Variants in PRKN observed in about 807,000 individuals in gnomAD.
The protein encoded by PRKN is E3 ubiquitin-protein ligase parkin.
Under a neutral mutation model 59.5 loss-of-function variants are expected in PRKN, and 56 were observed. The observed-to-expected ratio is 0.94, with a 90% CI of 0.76 to 1.18. The LOEUF is 1.18. Ranked by LOEUF, PRKN falls within the 50% of genes most tolerant of loss-of-function variation. The pLI is 0.00. For missense variants in PRKN, 657 were observed against 596.4 expected (o/e 1.10, Z -1.06); for synonymous variants, 250 against 222.1 (o/e 1.13, Z -1.12).
intron 1 of PRKN, among the ~76,000 whole-genome samples, chr6:162,448,664 T>A (rs1375846945): frequency 1.3e-5 from 2 of 152,254 alleles, no homozygotes; most frequent in East Asian, 3.9e-4. Context: ...CCTGCAGATT[T>A]TGGAGCATCC....
chr6:162,169,698 C>T (rs953926975), intron 4 of PRKN, among the ~76,000 whole-genome samples: 2 of 152,222 alleles, frequency 1.3e-5, no homozygotes, highest in South Asian at 2.1e-4. Flanking sequence ...AGCCTTAAGG[C>T]ATGTGCCACT....
intron 2 of PRKN, among the ~76,000 whole-genome samples, chr6:162,418,661 T>C (rs1282607779): frequency 6.9e-6 from 1 of 145,658 alleles, no homozygotes; most frequent in Non-Finnish European, 1.5e-5. Flanking sequence ...TGCGTGTGTG[T>C]TGAGGGGGGG....
intron 6 of PRKN, 142 bp from the exon 7 acceptor site, chr6:161,786,050 A>G: frequency 1.3e-6 from 1 of 782,000 alleles, no homozygotes; most frequent in Admixed American, 2.0e-5. Context: ...CATTAAGCTC[A>G]TGTATACCAA....
intron 7 of PRKN, among the ~76,000 whole-genome samples, chr6:161,751,097 G>A: frequency 6.6e-6 from 1 of 152,080 alleles, no homozygotes. Flanking sequence ...CATACTGGTA[G>A]AATGAGTAAA....
intron 1 of PRKN, among the ~76,000 whole-genome samples, chr6:162,467,827 C>T (rs1017705103): frequency 1.3e-5 from 2 of 151,818 alleles, no homozygotes; most frequent in African/African-American, 2.4e-5. Context: ...CGCTACGCCG[C>T]CCACCGAGCT....
At chr6:162,623,935 A>C (rs1782777123) in intron 1 of PRKN, among the ~76,000 whole-genome samples, 1 of 152,118 alleles carries the variant, frequency 6.6e-6, no homozygotes, top group Non-Finnish European at 1.5e-5. Flanking sequence ...GATACCACAA[A>C]GACACCGTTT....
rs556157012 is a variant in PRKN at position 161,373,816 on chromosome 6, T to A, written c.1167+12978A>T. On this transcript the variant is annotated intron_variant, in intron 10 of 11. Transcript: ENST00000366898. The surrounding 1 kb of genome is among the most constrained non-coding windows in gnomAD (Gnocchi z 4.8). Reference sequence around the variant, plus strand: ...TCCCCCCTGCCAGCCCCGTTTTTAATGAAGGAATTATGGGGGCCAGGATCC... The same window carrying A: ...TCCCCCCTGCCAGCCCCGTTTTTAAAGAAGGAATTATGGGGGCCAGGATCC... Among the ~76,000 whole-genome samples the A allele has an allele frequency of 6.6e-6, 1 of 152,224 alleles. No homozygotes were observed. Among genetic ancestry groups the A allele is most frequent in the East Asian group, 1.9e-4 (1 of 5,152 alleles).
intron 4 of PRKN, among the ~76,000 whole-genome samples, chr6:162,149,112 G>A (rs968179104): frequency 6.6e-6 from 1 of 152,174 alleles, no homozygotes; most frequent in African/African-American, 2.4e-5. Context: ...CCATCTCCCA[G>A]TAGGACAATT....
At chr6:161,824,669 G>A (rs991558212) in intron 6 of PRKN, among the ~76,000 whole-genome samples, 2 of 152,136 alleles carry the variant, frequency 1.3e-5, no homozygotes, top group African/African-American at 2.4e-5. Flanking sequence ...ATATTCCAGT[G>A]ACTAAATTGC....
At position 161,742,820 on chromosome 6, in the gene PRKN, A is replaced by G. The variant is rs528627604; in HGVS notation, c.871+42952T>C. ...TGACAGAGGAGGAGGCAAAACCTGG[A>G]CCACACAGCTGGTGAATGCCCACAG... On this transcript the variant is annotated intron_variant, in intron 7 of 11. Transcript: ENST00000366898. Among the ~76,000 whole-genome samples the G allele has an allele frequency of 6.6e-5, 10 of 152,296 alleles. 1 individual carries two copies. The South Asian group carries it at 2.1e-3, about 32-fold the overall frequency.
chr6:161,568,945 T>A (rs1780758025), intron 8 of PRKN, among the ~76,000 whole-genome samples: 1 of 145,036 alleles, frequency 6.9e-6, no homozygotes, highest in African/African-American at 2.6e-5. Flanking sequence ...GAAATACAGA[T>A]AACAAACACC....
rs1781744966 is a variant in PRKN at position 161,592,054 on chromosome 6, A to G, written c.872-22638T>C. Among the ~76,000 whole-genome samples, 1 of 152,176 alleles carries G rather than the reference A, an allele frequency of 6.6e-6. No individual in the cohort carries two copies. Among genetic ancestry groups the G allele is most frequent in the African/African-American group, 2.4e-5 (1 of 41,432 alleles). ...CTATGCACATCCTCCCATATACTTA[A>G]AATCATCCCTAGATTATGTATATCT... is the stretch of plus-strand genomic sequence containing the variant. On this transcript the variant is annotated intron_variant, in intron 7 of 11. Coordinates refer to ENST00000366898, the MANE Select transcript of PRKN (RefSeq NM_004562.3). The surrounding 1 kb of genome is among the most constrained non-coding windows in gnomAD (Gnocchi z 4.8).
chr6:162,151,114 T>G (rs921716661), intron 4 of PRKN, among the ~76,000 whole-genome samples: 1 of 152,190 alleles, frequency 6.6e-6, no homozygotes, highest in Non-Finnish European at 1.5e-5. Flanking sequence ...TCCACAATAC[T>G]GAAGAATGTA....
rs200652805 is a variant in PRKN at position 162,542,780 on chromosome 6, TCACCTCCACCTC to T, written c.8-99319_8-99308del. Among the ~76,000 whole-genome samples the T allele has an allele frequency of 3.2e-4, 48 of 152,114 alleles. No homozygotes were observed. In the East Asian group the frequency reaches 9.1e-3, roughly 29 times the overall value. ...CTGACTTGGAAGCAAACACTGACCATCACCTCCACCTCCACCTCCACCCGGGGCACAGAGCAC... is the reference window on the plus strand; with the variant it reads ...CTGACTTGGAAGCAAACACTGACCATCACCTCCACCCGGGGCACAGAGCAC... On this transcript the variant is annotated intron_variant, in intron 1 of 11. Transcript: ENST00000366898.
intron 9 of PRKN, among the ~76,000 whole-genome samples, chr6:161,493,482 C>T (rs918633068): frequency 2.6e-5 from 4 of 152,202 alleles, no homozygotes; most frequent in Non-Finnish European, 5.9e-5. Flanking sequence ...TCACACTCTA[C>T]TGCCTCTGCT....
intron 1 of PRKN, among the ~76,000 whole-genome samples, chr6:162,721,566 C>T (rs1392987817): frequency 2.0e-5 from 3 of 152,164 alleles, no homozygotes; most frequent in African/African-American, 4.8e-5. Context: ...ACCTAGTTAA[C>T]TCCTACTTGT....
intron 7 of PRKN, among the ~76,000 whole-genome samples, chr6:161,641,491 A>G (rs944888495): frequency 6.6e-6 from 1 of 152,108 alleles, no homozygotes; most frequent in South Asian, 2.1e-4. Flanking sequence ...TCAGCTCCCC[A>G]CTTTTCAACT....
intron 4 of PRKN, among the ~76,000 whole-genome samples, chr6:162,083,437 G>A (rs1410368904): frequency 6.6e-6 from 1 of 151,976 alleles, no homozygotes; most frequent in African/African-American, 2.4e-5. Flanking sequence ...TACCAGAGAA[G>A]GGCAATGAAG....
At chr6:162,530,253 A>G (rs566315513) in intron 1 of PRKN, among the ~76,000 whole-genome samples, 1 of 152,292 alleles carries the variant, frequency 6.6e-6, no homozygotes, top group South Asian at 2.1e-4. Context: ...GGGGCGGAGA[A>G]TTATCTTCAT....
Sources: allele counts gnomAD v4.1 joint callset (sites outside exome capture counted in the v4.1 genomes callset), GRCh38; gene constraint gnomAD v4.1.1; non-coding constraint Gnocchi (gnomAD v3.1); transcripts MANE v1.5; gene names NCBI Gene and HGNC (gene_info 2026-07-23, HGNC 2026-07-21).